The following TGFBR2 variants were observed in gnomAD, a reference collection of about 807,000 sequenced individuals.
TGFBR2 encodes the protein TGF-beta receptor type-2.
Under a neutral mutation model 49.0 loss-of-function variants are expected in TGFBR2, and 18 were observed. The observed-to-expected ratio is 0.37, with a 90% CI of 0.25 to 0.54. The LOEUF (loss-of-function observed/expected upper bound fraction) is 0.54. TGFBR2 is among the 20% of genes least tolerant of loss of function. The pLI, the probability that TGFBR2 is intolerant of heterozygous loss-of-function variation, is 0.85. For missense variants in TGFBR2, 525 were observed against 722.6 expected, an observed-to-expected ratio of 0.73 and a Z score of 3.13; for synonymous variants, 282 against 275.9, an observed-to-expected ratio of 1.02 and a Z score of -0.22.
intron 1 of TGFBR2, among the ~76,000 whole-genome samples, chr3:30,607,199 C>A (rs936949579): frequency 2.6e-5 from 4 of 152,226 alleles, no homozygotes; most frequent in Non-Finnish European, 5.9e-5. Flanking sequence ...GCGCGGGGCA[C>A]GTTTGGTCCC....
rs1303407125 is a variant in TGFBR2 at position 30,671,711 on chromosome 3, G to A, written c.528G>A (p.Leu176=). ...QVTGISLLPP[L]GVAISVIIIF... is the part of the protein sequence containing the mutation. ...CAGGCATCAGCCTCCTGCCACCACTGGGAGTTGCCATATCTGTCATCATCA... is the reference window on the plus strand; with the variant it reads ...CAGGCATCAGCCTCCTGCCACCACTAGGAGTTGCCATATCTGTCATCATCA... The change falls in exon 4 of 7, where the codon CTG becomes CTA. Residue 176 remains leucine (L), a synonymous_variant. Transcript: ENST00000295754. 1 of 1,614,172 alleles carries A rather than the reference G, an allele frequency of 6.2e-7. No individual in the cohort carries two copies. Among genetic ancestry groups the A allele is most frequent in the South Asian group, 1.1e-5 (1 of 91,072 alleles).
At chr3:30,638,461 G>A (rs79612544) in intron 1 of TGFBR2, among the ~76,000 whole-genome samples, 4,319 of 152,260 alleles carry the variant, frequency 0.028, 230 homozygotes, top group African/African-American at 0.099. Flanking sequence ...GGTATCTCTA[G>A]TATTGACCTT....
chr3:30,616,860 T>C (rs1698143224), intron 1 of TGFBR2, among the ~76,000 whole-genome samples: 1 of 152,176 alleles, frequency 6.6e-6, no homozygotes, highest in Admixed American at 6.5e-5. Flanking sequence ...CCTGACTAAA[T>C]AGCATGTTTA....
At chr3:30,607,348 C>T (rs1389792743) in intron 1 of TGFBR2, among the ~76,000 whole-genome samples, 2 of 152,202 alleles carry the variant, frequency 1.3e-5, no homozygotes, top group African/African-American at 4.8e-5. Flanking sequence ...GCTGCCAAAG[C>T]AGCCAGCGCA....
At chr3:30,608,785 C>T (rs1367620763) in intron 1 of TGFBR2, among the ~76,000 whole-genome samples, 1 of 152,158 alleles carries the variant, frequency 6.6e-6, no homozygotes, top group Non-Finnish European at 1.5e-5. Flanking sequence ...GGCGTTTTTC[C>T]TGCATTGCAG....
chr3:30,648,419 TACACACACACACACACACACACACAC>T (rs35473576), intron 2 of TGFBR2, among the ~76,000 whole-genome samples: 1 of 115,516 alleles, frequency 8.7e-6, no homozygotes, highest in Non-Finnish European at 1.9e-5. Context: ...AAAAACAACC[TACACACACACACACACACACACACAC>T]ACACACACAC....
chr3:30,630,879 A>C (rs533338230), intron 1 of TGFBR2, among the ~76,000 whole-genome samples: 27 of 152,276 alleles, frequency 1.8e-4, no homozygotes, highest in African/African-American at 6.3e-4. Flanking sequence ...ACGAGACATC[A>C]GAACTGCCAG....
At chr3:30,636,733 CGTGTGTGTGT>C (rs3076736) in intron 1 of TGFBR2, among the ~76,000 whole-genome samples, 2 of 146,694 alleles carry the variant, frequency 1.4e-5, no homozygotes, top group East Asian at 4.1e-4. Flanking sequence ...TGTGTGTGCA[CGTGTGTGTGT>C]GTGTGTGTGT....
At chr3:30,660,571 G>A (rs928342759) in intron 3 of TGFBR2, among the ~76,000 whole-genome samples, 10 of 152,170 alleles carry the variant, frequency 6.6e-5, no homozygotes, top group African/African-American at 2.4e-4. Flanking sequence ...TTAAAGAATG[G>A]CAGCTACCAC....
intron 1 of TGFBR2, among the ~76,000 whole-genome samples, chr3:30,623,493 C>G (rs900495830): frequency 6.6e-6 from 1 of 152,180 alleles, no homozygotes; most frequent in Non-Finnish European, 1.5e-5. Context: ...AGAATTTCTT[C>G]TTTGAGGGTT....
intron 1 of TGFBR2, among the ~76,000 whole-genome samples, chr3:30,609,551 A>G (rs151034883): frequency 6.6e-6 from 1 of 152,256 alleles, no homozygotes; most frequent in African/African-American, 2.4e-5. Context: ...TTCGTTTTTG[A>G]CTTAATAGAT....
At chr3:30,678,067 G>A (rs1699469676) in intron 5 of TGFBR2, among the ~76,000 whole-genome samples, 1 of 152,154 alleles carries the variant, frequency 6.6e-6, no homozygotes, top group Admixed American at 6.5e-5. Context: ...TGTGGAATGT[G>A]CTTACCTTTG....
At chr3:30,645,517 G>GTTTTTTT (rs1698714991) in intron 2 of TGFBR2, among the ~76,000 whole-genome samples, 1 of 140,610 alleles carries the variant, frequency 7.1e-6, no homozygotes, top group African/African-American at 2.7e-5. Flanking sequence ...ATGGAGTCTT[G>GTTTTTTT]CTCTGTCATT....
intron 1 of TGFBR2, among the ~76,000 whole-genome samples, chr3:30,637,656 A>G (rs924929573): frequency 5.3e-5 from 8 of 152,206 alleles, no homozygotes; most frequent in African/African-American, 1.7e-4. Context: ...CTTGAATGCT[A>G]TAGCCTGGGC....
intron 5 of TGFBR2, among the ~76,000 whole-genome samples, chr3:30,677,375 C>G (rs1699458657): frequency 6.6e-6 from 1 of 152,162 alleles, no homozygotes; most frequent in South Asian, 2.1e-4. Context: ...CCCTGGGGAA[C>G]CGGAAAGAGG....
rs543868661 is a variant in TGFBR2 at position 30,655,257 on chromosome 3, C to G, written c.454+4797C>G. On this transcript the variant is annotated intron_variant, in intron 3 of 6. Transcript: ENST00000295754. ...AATGCAGGAAACCAGGCCTGTGTAGCCTTCGGTCTGTTCTAACACTGAAGT... is the reference window on the plus strand; with the variant it reads ...AATGCAGGAAACCAGGCCTGTGTAGGCTTCGGTCTGTTCTAACACTGAAGT... Among the ~76,000 whole-genome samples, 85 of 152,226 alleles carry G rather than the reference C, an allele frequency of 5.6e-4. 1 individual carries two copies. The South Asian group carries it at 0.016, about 29-fold the overall frequency.
At position 30,672,758 on chromosome 3, in the gene TGFBR2, T is replaced by C. The variant is rs1182276940; in HGVS notation, c.1254+321T>C. Among the ~76,000 whole-genome samples, 1 of 152,222 alleles carries C rather than the reference T, an allele frequency of 6.6e-6. No individual in the cohort carries two copies. Among genetic ancestry groups the C allele is most frequent in the Non-Finnish European group, 1.5e-5 (1 of 68,038 alleles). On this transcript the variant is annotated intron_variant, in intron 4 of 6. Transcript: ENST00000295754. This position sits in a 1 kb window ranked among gnomAD's most constrained non-coding sequence, Gnocchi z 4.5. ...CACTGTTAGTACTTTACCTCTATTT[T>C]TTCCCTCTCTTATGGTTGTACTCAG...
At chr3:30,688,255 TTAGAG>T in intron 5 of TGFBR2, 124 bp from the exon 6 acceptor site, 8 of 1,218,258 alleles carry the variant, frequency 6.6e-6, no homozygotes, top group South Asian at 3.6e-5. Flanking sequence ...AAATTTGCTC[TTAGAG>T]TAATTACGTA....
chr3:30,631,983 C>T (rs897937312), intron 1 of TGFBR2, among the ~76,000 whole-genome samples: 3 of 152,056 alleles, frequency 2.0e-5, no homozygotes, highest in African/African-American at 7.2e-5. Flanking sequence ...CAAATGAGCT[C>T]CAGGAGAGAA....
Sources: gnomAD v4.1 joint callset for allele counts (sites outside exome capture counted in the v4.1 genomes callset) on GRCh38, gnomAD v4.1.1 for gene constraint, Gnocchi (gnomAD v3.1) non-coding constraint, MANE v1.5 for transcripts, NCBI Gene and HGNC (gene_info 2026-07-23, HGNC 2026-07-21) for gene names.